Variants in VRK1 observed in about 807,000 individuals in gnomAD.
VRK1 encodes the protein VRK serine/threonine kinase 1.
In VRK1, 33 loss-of-function variants were observed where a neutral mutation model predicts 57.1. The ratio of observed to expected loss-of-function variants is 0.58; its 90% confidence interval spans 0.44 to 0.77. VRK1 has a LOEUF of 0.77. VRK1 is among the 30% of genes least tolerant of loss of function. The pLI, the probability that VRK1 is intolerant of heterozygous loss-of-function variation, is 0.00. For synonymous variants in VRK1, 137 were observed against 147.8 expected, an observed-to-expected ratio of 0.93 and a Z score of 0.53; for missense variants, 413 against 477.3, an observed-to-expected ratio of 0.87 and a Z score of 1.25.
chr14:96,820,720 T>A (rs1268460297), intron 1 of VRK1, among the ~76,000 whole-genome samples: 1 of 152,246 alleles, frequency 6.6e-6, no homozygotes, highest in Non-Finnish European at 1.5e-5. Context: ...CCACATTTAT[T>A]TAAGAATGTA....
rs568694142 is a variant in VRK1 at position 96,799,801 on chromosome 14, A to G, written c.-6+2354A>G. ...GATATTTTACATGCTTGCCAGGGTT[A>G]TTTTTCGGAGTAAGGAGAAATGGAC... On this transcript the variant is annotated intron_variant, in intron 1 of 12. Coordinates refer to ENST00000216639, the MANE Select transcript of VRK1 (RefSeq NM_003384.3). Among the ~76,000 whole-genome samples, 28 of 152,258 alleles carry G rather than the reference A, an allele frequency of 1.8e-4. No individual in the cohort carries two copies. In the East Asian group the frequency reaches 5.0e-3, roughly 27 times the overall value.
chr14:96,821,452 A>C lies in VRK1; in HGVS notation c.-5-12015A>C, dbSNP rs1221625291. ...TGTGTAAAGTTAAAAAAAACAAAAC[A>C]AAACAAAATACCAGAACTCTTAGGT... On this transcript the variant is annotated intron_variant, in intron 1 of 12. Coordinates refer to ENST00000216639, the MANE Select transcript of VRK1 (RefSeq NM_003384.3). 3.3e-5 allele frequency among the ~76,000 whole-genome samples: 5 copies of C among 152,182 alleles called. No homozygotes were observed. The South Asian group carries it at 8.3e-4, about 25-fold the overall frequency.
intron 5 of VRK1, among the ~76,000 whole-genome samples, chr14:96,850,313 G>C (rs1393704389): frequency 1.3e-5 from 2 of 152,146 alleles, no homozygotes; most frequent in Non-Finnish European, 2.9e-5. Context: ...AGCAATGTTA[G>C]CTGCTACCAT....
intron 1 of VRK1, among the ~76,000 whole-genome samples, chr14:96,821,047 C>T (rs1886578282): frequency 6.6e-6 from 1 of 152,118 alleles, no homozygotes; most frequent in African/African-American, 2.4e-5. Context: ...TTATTAAAGG[C>T]TTCAGAAACA....
At chr14:96,846,204 G>T in intron 4 of VRK1, 40 bp downstream of exon 4, 1 of 1,598,270 alleles carries the variant, frequency 6.3e-7, no homozygotes, top group South Asian at 1.1e-5. Context: ...CTTTTAAAAT[G>T]ACCAGTTTTT....
At chr14:96,852,962 GTT>G (rs1566707955) in intron 6 of VRK1, 23 bp downstream of exon 6, 1 of 1,611,852 alleles carries the variant, frequency 6.2e-7, no homozygotes, top group South Asian at 1.1e-5. Flanking sequence ...TGTTCTTCTT[GTT>G]TTTAAAAAAT....
chr14:96,859,554 G>T (rs1372353683), intron 10 of VRK1, among the ~76,000 whole-genome samples: 2 of 152,122 alleles, frequency 1.3e-5, no homozygotes, highest in East Asian at 3.8e-4. Context: ...AGGGATTGTT[G>T]TCCGTTTTTT....
chr14:96,865,389 G>A (rs1888546400), intron 11 of VRK1, among the ~76,000 whole-genome samples: 1 of 152,066 alleles, frequency 6.6e-6, no homozygotes, highest in African/African-American at 2.4e-5. Flanking sequence ...CCATTGGCCC[G>A]CTTGTCCATC....
At chr14:96,818,889 T>C (rs372764184) in intron 1 of VRK1, among the ~76,000 whole-genome samples, 5 of 152,224 alleles carry the variant, frequency 3.3e-5, no homozygotes, top group African/African-American at 9.6e-5. Context: ...GAGGACCCTC[T>C]GTGTCACTGG....
chr14:96,815,433 A>C (rs888320282), intron 1 of VRK1, among the ~76,000 whole-genome samples: 3 of 152,198 alleles, frequency 2.0e-5, no homozygotes, highest in African/African-American at 7.2e-5. Context: ...GGGAAAAATA[A>C]TAAAGACGGA....
At chr14:96,860,244 G>T (rs904078754) in intron 10 of VRK1, among the ~76,000 whole-genome samples, 1 of 151,820 alleles carries the variant, frequency 6.6e-6, no homozygotes, top group Admixed American at 6.6e-5. Flanking sequence ...CTTTATTCTA[G>T]ATCCCTTTGT....
chr14:96,858,674 T>C (rs2145634), intron 10 of VRK1, among the ~76,000 whole-genome samples: 9,989 of 152,246 alleles, frequency 0.066, 378 homozygotes, highest in South Asian at 0.13. Flanking sequence ...GTCATGTTTG[T>C]CATCAGTCAA....
chr14:96,855,137 G>T, intron 7 of VRK1, 87 bp from the exon 8 acceptor site: 1 of 1,602,836 alleles, frequency 6.2e-7, no homozygotes, highest in Non-Finnish European at 8.5e-7. Context: ...CCCACCTTCA[G>T]ATGCCAGTAT....
intron 9 of VRK1, 85 bp from the exon 10 acceptor site, chr14:96,856,443 A>G: frequency 7.3e-7 from 1 of 1,377,020 alleles, no homozygotes; most frequent in East Asian, 2.5e-5. Context: ...GATGTAGCAC[A>G]ATATAGCTTA....
At chr14:96,865,232 T>C (rs143862435) in intron 11 of VRK1, among the ~76,000 whole-genome samples, 111 of 152,302 alleles carry the variant, frequency 7.3e-4, no homozygotes, top group African/African-American at 2.6e-3. Context: ...GAAATTGATT[T>C]TGTGCATGGT....
intron 1 of VRK1, among the ~76,000 whole-genome samples, chr14:96,803,740 A>G (rs77558316): frequency 0.064 from 9,708 of 152,090 alleles, 353 homozygotes; most frequent in South Asian, 0.12. Flanking sequence ...TATTGGTGAT[A>G]TTTTTTGTGC....
At chr14:96,874,974 T>C (rs1888967322) in intron 11 of VRK1, among the ~76,000 whole-genome samples, 1 of 152,190 alleles carries the variant, frequency 6.6e-6, no homozygotes, top group Admixed American at 6.5e-5. Flanking sequence ...AAAATATAAA[T>C]GAGGACATTC....
At chr14:96,880,012 G>A (rs1321952071) in intron 12 of VRK1, among the ~76,000 whole-genome samples, 1 of 151,634 alleles carries the variant, frequency 6.6e-6, no homozygotes, top group African/African-American at 2.4e-5. Context: ...ATAGATGGCC[G>A]TGTTACAGAA....
At chr14:96,808,423 A>G (rs1390319005) in intron 1 of VRK1, among the ~76,000 whole-genome samples, 1 of 152,166 alleles carries the variant, frequency 6.6e-6, no homozygotes, top group Non-Finnish European at 1.5e-5. Flanking sequence ...AAGTGTAACA[A>G]AAAGGTGCAG....
Sources: gnomAD v4.1 joint callset for allele counts (sites outside exome capture counted in the v4.1 genomes callset) on GRCh38, gnomAD v4.1.1 for gene constraint, MANE v1.5 for transcripts, NCBI Gene and HGNC (gene_info 2026-07-23, HGNC 2026-07-21) for gene names.